The following TBCE variants were observed in gnomAD, a reference collection of about 807,000 sequenced individuals.
TBCE encodes the protein tubulin-specific chaperone E.
TBCE carries 53 observed loss-of-function variants against 77.0 expected under a neutral mutation model. The ratio of observed to expected loss-of-function variants is 0.69; its 90% confidence interval spans 0.55 to 0.87. TBCE has a LOEUF of 0.87. Ranked by LOEUF, TBCE falls within the 40% of genes least tolerant of loss-of-function variation. The pLI, the probability that TBCE is intolerant of heterozygous loss-of-function variation, is 0.00. For synonymous variants in TBCE, 235 were observed against 241.3 expected (o/e 0.97, Z 0.24); for missense variants, 624 against 622.4 (o/e 1.00, Z -0.03).
At chr1:235,432,895 A>G in intron 7 of TBCE, 1 of 679,610 alleles carries the variant, frequency 1.5e-6, no homozygotes, top group East Asian at 5.7e-5. Context: ...ATAATTATAT[A>G]ATATATAATA....
At chr1:235,389,055 A>C (rs888926009) in intron 2 of TBCE, among the ~76,000 whole-genome samples, 3 of 152,198 alleles carry the variant, frequency 2.0e-5, no homozygotes, top group African/African-American at 7.2e-5. Context: ...CAGACAGTTG[A>C]GGGCTATTTA....
chr1:235,407,524 C>A (rs888108171), intron 3 of TBCE, among the ~76,000 whole-genome samples: 1 of 152,112 alleles, frequency 6.6e-6, no homozygotes, highest in Admixed American at 6.6e-5. Context: ...CTTAGAGTCA[C>A]GGCAGATTGT....
chr1:235,414,717 C>T lies in TBCE; in HGVS notation c.371+99C>T. ...GTATATGGATGCTCATGACTTTGCT[C>T]CTAAACTGGTTTATGGTTCCACAGA... On this transcript the variant is annotated intron_variant, in intron 4 of 16. Transcript: ENST00000642610. 2.5e-6 allele frequency: 3 copies of T among 1,211,778 alleles called. No homozygotes were observed. The South Asian group carries it at 3.8e-5, about 15-fold the overall frequency. 75.1% of individuals were successfully genotyped at this position (1,211,778 alleles called of 1,614,324 possible). A position where few individuals can be genotyped will look rare whatever the true frequency, so the allele number is the denominator to read the frequency against.
chr1:235,393,794 T>G (rs58463363), intron 2 of TBCE, among the ~76,000 whole-genome samples: 3,082 of 152,190 alleles, frequency 0.02, 116 homozygotes, highest in African/African-American at 0.071. Context: ...TAGATATATA[T>G]GTATTTTAAT....
intron 2 of TBCE, among the ~76,000 whole-genome samples, chr1:235,385,926 A>G (rs1247819948): frequency 2.0e-5 from 3 of 152,102 alleles, no homozygotes; most frequent in South Asian, 2.1e-4. Flanking sequence ...GGTCTTTACA[A>G]TTTGGCATGA....
intron 1 of TBCE, 28 bp from the exon 2 acceptor site, chr1:235,379,991 C>G: frequency 4.3e-5 from 52 of 1,198,694 alleles, no homozygotes; most frequent in Non-Finnish European, 5.3e-5. Flanking sequence ...GTATTAAGTT[C>G]TTATCAGTGT....
intron 11 of TBCE, among the ~76,000 whole-genome samples, chr1:235,437,026 G>C (rs1681496049): frequency 6.6e-6 from 1 of 152,174 alleles, no homozygotes; most frequent in Non-Finnish European, 1.5e-5. Context: ...CTACTCGGGA[G>C]GCTGAGGCAG....
chr1:235,428,677 C>A (rs1228123684), intron 6 of TBCE, among the ~76,000 whole-genome samples: 1 of 134,736 alleles, frequency 7.4e-6, no homozygotes, highest in Non-Finnish European at 1.6e-5. Flanking sequence ...CAGTGTCTCG[C>A]CCTGTCGCCA....
At chr1:235,428,155 T>G (rs1319520182) in intron 6 of TBCE, among the ~76,000 whole-genome samples, 1 of 151,602 alleles carries the variant, frequency 6.6e-6, no homozygotes, top group African/African-American at 2.4e-5. Context: ...AAACCCCATC[T>G]CTACTAAAAA....
intron 2 of TBCE, among the ~76,000 whole-genome samples, chr1:235,389,081 C>G (rs1172269848): frequency 6.6e-6 from 1 of 152,226 alleles, no homozygotes; most frequent in Admixed American, 6.5e-5. Context: ...AGCCAGTCCT[C>G]CCAGCTATTG....
chr1:235,425,382 A>G (rs557351987), intron 5 of TBCE, among the ~76,000 whole-genome samples: 1 of 151,958 alleles, frequency 6.6e-6, no homozygotes, highest in African/African-American at 2.4e-5. Context: ...CTGCCCTCTC[A>G]TGCTGCTGGT....
Position 235,438,884 on chromosome 1 carries a change from T to G in TBCE, c.1232T>G (p.Phe411Cys). Residue 411 changes from phenylalanine (F) to cysteine (C), a missense_variant, in exon 13 of 17, where the codon TTC becomes TGC. Phe to Cys is a radical substitution (Grantham distance 205). Coordinates refer to ENST00000642610, the MANE Select transcript of TBCE (RefSeq NM_003193.5). Reference protein sequence around the residue: ...DPEKNRLSEEFLTAHPRYQFL... With the variant: ...DPEKNRLSEECLTAHPRYQFL... ...GAAAAAAACAGACTCAGCGAAGAAT[T>G]CCTCACAGCCCATCCCAGATACCAG... 1.2e-6 allele frequency: 2 copies of G among 1,614,124 alleles called. No homozygotes were observed. Among genetic ancestry groups the G allele is most frequent in the Non-Finnish European group, 1.7e-6 (2 of 1,180,034 alleles).
chr1:235,440,217 A>AC (rs1681775520), intron 13 of TBCE, among the ~76,000 whole-genome samples: 1 of 151,690 alleles, frequency 6.6e-6, no homozygotes, highest in South Asian at 2.1e-4. Context: ...TGATCCACCC[A>AC]CCTTGGCCTC....
intron 1 of TBCE, among the ~76,000 whole-genome samples, chr1:235,375,248 A>T (rs987302242): frequency 6.1e-5 from 9 of 147,432 alleles, no homozygotes; most frequent in African/African-American, 2.3e-4. Context: ...CTTTTTAAAG[A>T]AGAATAACAA....
chr1:235,410,009 G>C (rs1051590383), intron 3 of TBCE, among the ~76,000 whole-genome samples: 3 of 144,672 alleles, frequency 2.1e-5, no homozygotes, highest in Non-Finnish European at 3.0e-5. Context: ...CAGCCTGCGT[G>C]ACAGAGTGAG....
At position 235,434,217 on chromosome 1, in the gene TBCE, T is replaced by A. The variant is rs1025632450; in HGVS notation, c.674T>A (p.Val225Asp). 3.1e-6 allele frequency: 5 copies of A among 1,614,004 alleles called. No homozygotes were observed. Among genetic ancestry groups the A allele is most frequent in the Non-Finnish European group, 4.2e-6 (5 of 1,180,030 alleles). The change falls in exon 8 of 17, where the codon GTC becomes GAC. Residue 225 changes from valine to aspartate, a missense_variant. Physicochemically the swap from Val to Asp is radical, Grantham distance 152. Coordinates refer to ENST00000642610, the MANE Select transcript of TBCE (RefSeq NM_003193.5). The stretch of plus-strand genomic sequence containing the variant: ...TTTCTCTTCCAGGTGCTGCGGTGTG[T>A]CGCGGGGTGCCCAGGCCTGGAGGAA... ...GITWAEVLRC[V>D]AGCPGLEELY...
At chr1:235,410,020 ACT>A (rs1239224960) in intron 3 of TBCE, among the ~76,000 whole-genome samples, 10 of 147,550 alleles carry the variant, frequency 6.8e-5, no homozygotes, top group South Asian at 2.2e-4. Flanking sequence ...ACAGAGTGAG[ACT>A]CTGTCTCAAA....
At chr1:235,421,421 A>G (rs534182851) in intron 5 of TBCE, among the ~76,000 whole-genome samples, 1 of 152,064 alleles carries the variant, frequency 6.6e-6, no homozygotes, top group East Asian at 1.9e-4. Flanking sequence ...GAAATTTCCC[A>G]TGGAGGCTGG....
chr1:235,442,995 A>G, intron 15 of TBCE, 84 bp downstream of exon 15: 1 of 1,377,316 alleles, frequency 7.3e-7, no homozygotes, highest in African/African-American at 1.4e-5. Context: ...CCTTTAACTC[A>G]TGTCTCAAAG....
Sources: gnomAD v4.1 joint callset for allele counts (sites outside exome capture counted in the v4.1 genomes callset) on GRCh38, gnomAD v4.1.1 for gene constraint, MANE v1.5 for transcripts, NCBI Gene and HGNC (gene_info 2026-07-23, HGNC 2026-07-21) for gene names.